Variants in PLEKHA7 observed in about 807,000 individuals in gnomAD.
PLEKHA7 encodes pleckstrin homology domain-containing family A member 7.
In PLEKHA7, 104 loss-of-function variants were observed where a neutral mutation model predicts 170.0. The ratio of observed to expected loss-of-function variants is 0.61; its 90% CI spans 0.52 to 0.72. The LOEUF (loss-of-function observed/expected upper bound fraction) is 0.72, where lower values mean the gene tolerates loss of function less well. PLEKHA7 is among the 30% of genes least tolerant of loss of function. The probability of loss-of-function intolerance (pLI) is 0.00; values close to 1 mark genes in which losing one functional copy is unlikely to be tolerated. For synonymous variants in PLEKHA7, 648 were observed against 660.8 expected, an observed-to-expected ratio of 0.98 and a Z score of 0.30; for missense variants, 1,615 against 1,671.7, an observed-to-expected ratio of 0.97 and a Z score of 0.59.
chr11:17,010,213 C>T (rs1208171623), intron 3 of PLEKHA7, among the ~76,000 whole-genome samples: 2 of 151,832 alleles, frequency 1.3e-5, no homozygotes, highest in African/African-American at 4.8e-5. Flanking sequence ...CATGGTGAAA[C>T]CCTGTCTCTA....
chr11:16,931,603 A>C (rs930584846), intron 3 of PLEKHA7, among the ~76,000 whole-genome samples: 2 of 151,858 alleles, frequency 1.3e-5, no homozygotes, highest in African/African-American at 2.4e-5. Flanking sequence ...AACAAAACAA[A>C]ACAAAAAAAA....
chr11:16,993,561 G>A (rs899821019), intron 3 of PLEKHA7, among the ~76,000 whole-genome samples: 1 of 152,126 alleles, frequency 6.6e-6, no homozygotes, highest in African/African-American at 2.4e-5. Flanking sequence ...GTATAGAAAT[G>A]AGCCAGGGAC....
intron 13 of PLEKHA7, among the ~76,000 whole-genome samples, chr11:16,805,152 T>C (rs1349217924): frequency 6.6e-6 from 1 of 152,202 alleles, no homozygotes; most frequent in African/African-American, 2.4e-5. Flanking sequence ...GGAGATACAC[T>C]CTGGGGATTC....
At chr11:16,809,848 GTTT>G (rs762815488) in intron 13 of PLEKHA7, among the ~76,000 whole-genome samples, 36 of 152,320 alleles carry the variant, frequency 2.4e-4, no homozygotes, top group South Asian at 1.4e-3. Flanking sequence ...ACATACCAGA[GTTT>G]TACAGGCTGT....
In PLEKHA7 at chr11:16,841,679, G is replaced by C; in HGVS notation, c.740C>G (p.Thr247Arg). ...GMRALIYNSS[T>R]AGSQAEQSGM... ...TGACTGCTCGGCCTGAGAGCCCGCT[G>C]TGGAGCTGTTATAGATGAGCGCTCG... Residue 247 changes from threonine to arginine, a missense_variant, in exon 9 of 27, where the codon ACA becomes AGA. Thr to Arg is a moderately conservative substitution (Grantham distance 71, BLOSUM62 -1). Coordinates refer to ENST00000531066, the MANE Select transcript of PLEKHA7 (RefSeq NM_001329630.2). 1.2e-6 allele frequency: 2 copies of C among 1,614,190 alleles called. No homozygotes were observed. The highest frequency in any genetic ancestry group is 1.7e-6 in the Non-Finnish European group (2 of 1,180,030).
chr11:16,911,745 CAG>C (rs1371243510), intron 3 of PLEKHA7, among the ~76,000 whole-genome samples: 2 of 152,112 alleles, frequency 1.3e-5, no homozygotes, highest in Non-Finnish European at 2.9e-5. Context: ...TCAATTCACT[CAG>C]AGCTCTTTCC....
intron 3 of PLEKHA7, among the ~76,000 whole-genome samples, chr11:16,959,407 C>A (rs1011287281): frequency 6.6e-6 from 1 of 152,150 alleles, no homozygotes; most frequent in Non-Finnish European, 1.5e-5. Context: ...CTTGTGTGTG[C>A]CAGATTACCT....
chr11:17,002,858 C>A (rs1864750822), intron 3 of PLEKHA7, among the ~76,000 whole-genome samples: 3 of 150,700 alleles, frequency 2.0e-5, no homozygotes. Context: ...TATTTTGTCC[C>A]ATTTGCTCTG....
intron 3 of PLEKHA7, among the ~76,000 whole-genome samples, chr11:17,000,228 G>A (rs1407682769): frequency 6.6e-6 from 1 of 152,038 alleles, no homozygotes; most frequent in Non-Finnish European, 1.5e-5. Context: ...GAATTAACAG[G>A]CATGCATCAC....
At chr11:16,948,964 A>C (rs1861232220) in intron 3 of PLEKHA7, among the ~76,000 whole-genome samples, 1 of 152,170 alleles carries the variant, frequency 6.6e-6, no homozygotes, top group South Asian at 2.1e-4. Context: ...TCAGCATGGC[A>C]TTCAAGCCAT....
At chr11:16,813,310 AAGCACAAATGTCTCGGTGC>A (rs1411589996) in intron 12 of PLEKHA7, 144 bp from the exon 13 acceptor site, 5 of 579,202 alleles carry the variant, frequency 8.6e-6, no homozygotes, top group Admixed American at 5.0e-5. Flanking sequence ...GCCACAGAGG[AAGCACAAATGTCTCGGTGC>A]AGCTGAGAGC....
At chr11:16,881,471 G>A (rs561363456) in intron 3 of PLEKHA7, 2 of 152,206 alleles carry the variant, frequency 1.3e-5, no homozygotes, top group South Asian at 2.1e-4. Context: ...ATTCATTCTC[G>A]TTCCTCTCCA....
At chr11:16,850,274 T>C (rs561843101) in intron 8 of PLEKHA7, among the ~76,000 whole-genome samples, 9 of 152,312 alleles carry the variant, frequency 5.9e-5, no homozygotes, top group African/African-American at 1.7e-4. Context: ...ACAAGTGTAG[T>C]GGGGACAGGA....
In PLEKHA7 at chr11:16,813,101, G is replaced by C. The variant is rs374147455; in HGVS notation, c.2007+12C>G. 2.6e-5 allele frequency: 42 copies of C among 1,611,272 alleles called. No homozygotes were observed. Among genetic ancestry groups the C allele is most frequent in the Non-Finnish European group, 3.4e-5 (40 of 1,177,640 alleles). ...AGTATGCAAGGAAGGCAGGAACCCTGATGTCACTTACCTTTAGATCCAGGT... is the reference window on the plus strand; with the variant it reads ...AGTATGCAAGGAAGGCAGGAACCCTCATGTCACTTACCTTTAGATCCAGGT... On this transcript the variant is annotated intron_variant, in intron 13 of 26. Transcript: ENST00000531066.
rs1859463337 is a variant in PLEKHA7, at chr11:16,925,620, G to T, written c.222-54438C>A. Reference sequence around the variant, plus strand: ...CTCCGCGGCTCCATGCGACTGCTTCGCGAGCCCGGGCGGGCCACCGGTCAG... The same window carrying T: ...CTCCGCGGCTCCATGCGACTGCTTCTCGAGCCCGGGCGGGCCACCGGTCAG... On this transcript the variant is annotated intron_variant, in intron 3 of 26. Transcript: ENST00000531066. Among the ~76,000 whole-genome samples the T allele has an allele frequency of 3.3e-5, 5 of 152,172 alleles. No homozygotes were observed. In the South Asian group the frequency reaches 1.0e-3, roughly 31 times the overall value.
At chr11:16,997,788 A>G (rs1013745148) in intron 3 of PLEKHA7, among the ~76,000 whole-genome samples, 25 of 152,200 alleles carry the variant, frequency 1.6e-4, no homozygotes, top group African/African-American at 5.6e-4. Context: ...GTTTGCTTCC[A>G]GTGAGTCCCA....
At chr11:16,861,349 G>A (rs1853928676) in intron 4 of PLEKHA7, among the ~76,000 whole-genome samples, 1 of 122,186 alleles carries the variant, frequency 8.2e-6, no homozygotes, top group Non-Finnish European at 1.8e-5. Flanking sequence ...TTGAGACTCT[G>A]TCTCTATTAA....
intron 3 of PLEKHA7, among the ~76,000 whole-genome samples, chr11:17,000,251 A>C (rs1465656265): frequency 6.6e-6 from 1 of 151,406 alleles, no homozygotes; most frequent in Non-Finnish European, 1.5e-5. Flanking sequence ...TACCCAACTA[A>C]TTTTTTTTGT....
At position 16,892,440 on chromosome 11, in the gene PLEKHA7, T is replaced by TGTG. The variant is rs749414406; in HGVS notation, c.222-21259_222-21258insCAC. Among the ~76,000 whole-genome samples the TGTG allele has an allele frequency of 4.9e-5, 5 of 102,428 alleles. No individual in the cohort carries two copies. The East Asian group carries it at 6.3e-4, about 13-fold the overall frequency. 67.2% of individuals were successfully genotyped at this position (102,428 alleles called of 152,430 possible). On this transcript the variant is annotated intron_variant, in intron 3 of 26. Coordinates refer to ENST00000531066, the MANE Select transcript of PLEKHA7 (RefSeq NM_001329630.2). ...TGTGTGTGTGTGTGTGTGTGTTTTG[T>TGTG]TTTGTTTTGTTTTGTTTTGTTTTGA...
Sources: gnomAD v4.1 joint callset for allele counts (sites outside exome capture counted in the v4.1 genomes callset) on GRCh38, gnomAD v4.1.1 for gene constraint, MANE v1.5 for transcripts, NCBI Gene and HGNC (gene_info 2026-07-23, HGNC 2026-07-21) for gene names.